SMARCA2: variants seen among roughly 807,000 people sequenced by gnomAD.
SMARCA2 encodes SWI/SNF-related matrix-associated actin-dependent regulator of chromatin subfamily A member 2.
SMARCA2 carries 61 observed loss-of-function variants against 199.8 expected under a neutral mutation model. The ratio of observed to expected loss-of-function variants is 0.31; its 90% confidence interval spans 0.25 to 0.38. The LOEUF (loss-of-function observed/expected upper bound fraction) is 0.38. Among genes scored for constraint, SMARCA2 ranks in the 10% least tolerant of loss-of-function variants. The pLI is 1.00. For missense variants in SMARCA2, 1,344 were observed against 2,012.2 expected (o/e 0.67, Z 6.35); for synonymous variants, 935 against 732.0 (o/e 1.28, Z -4.48).
In SMARCA2 at chr9:2,152,356, C is replaced by A. The variant is rs549676672; in HGVS notation, c.3982-9330C>A. On this transcript the variant is annotated intron_variant, in intron 27 of 33. Transcript: ENST00000349721. The stretch of plus-strand genomic sequence containing the variant: ...CACCTGAGGTCAAGAGAGTTTGAGA[C>A]CAGTCTGGCCAACACGATGAAAGCC... Among the ~76,000 whole-genome samples the A allele has an allele frequency of 2.9e-4, 44 of 151,260 alleles. 1 individual carries two copies. In the South Asian group the frequency reaches 8.8e-3, roughly 30 times the overall value.
intron 29 of SMARCA2, among the ~76,000 whole-genome samples, chr9:2,171,403 G>A (rs1563824146): frequency 6.6e-6 from 1 of 152,206 alleles, no homozygotes; most frequent in Non-Finnish European, 1.5e-5. Flanking sequence ...AATGAACACA[G>A]ATCACTGGTT....
intron 27 of SMARCA2, among the ~76,000 whole-genome samples, chr9:2,143,652 G>A (rs1013036127): frequency 1.4e-4 from 21 of 152,132 alleles, no homozygotes; most frequent in African/African-American, 5.1e-4. Flanking sequence ...ATGTGATAAG[G>A]GAAACTGATC....
intron 9 of SMARCA2, among the ~76,000 whole-genome samples, chr9:2,064,409 A>G (rs2130379570): frequency 6.6e-6 from 1 of 152,362 alleles, no homozygotes; most frequent in East Asian, 1.9e-4. Flanking sequence ...AAGTTTATCT[A>G]AAGCATGTAG....
rs769611551 is a variant in SMARCA2 at position 2,083,343 on chromosome 9, A to G, written c.2349-4A>G. 3 of 1,539,510 alleles carry G rather than the reference A, an allele frequency of 1.9e-6. No individual in the cohort carries two copies. Among genetic ancestry groups the G allele is most frequent in the South Asian group, 1.2e-5 (1 of 83,486 alleles). On this transcript the variant is annotated splice_polypyrimidine_tract_variant and splice_region_variant and intron_variant, in intron 15 of 33. Coordinates refer to ENST00000349721, the MANE Select transcript of SMARCA2 (RefSeq NM_003070.5). ...TTCTGTTGTTTTTTTTTTTTGTTCCATAGGACTCTATCTAACTGGACATAT... is the reference window on the plus strand; with the variant it reads ...TTCTGTTGTTTTTTTTTTTTGTTCCGTAGGACTCTATCTAACTGGACATAT...
At chr9:2,147,546 GGAT>G (rs755301945) in intron 27 of SMARCA2, among the ~76,000 whole-genome samples, 4 of 152,152 alleles carry the variant, frequency 2.6e-5, no homozygotes, top group Non-Finnish European at 5.9e-5. Flanking sequence ...GTTTCACTTA[GGAT>G]TTCCAGTTTT....
intron 27 of SMARCA2, among the ~76,000 whole-genome samples, chr9:2,141,127 A>C (rs1379639036): frequency 6.6e-6 from 1 of 151,112 alleles, no homozygotes; most frequent in Non-Finnish European, 1.5e-5. Context: ...AGAATTCTTA[A>C]TCCAAATTTA....
intron 30 of SMARCA2, 125 bp from the exon 31 acceptor site, chr9:2,182,016 C>T: frequency 1.3e-6 from 1 of 758,318 alleles, no homozygotes. Context: ...TTATGCAGTC[C>T]CAGATCCCTG....
chr9:2,187,668 C>CTCTA (rs1420716638), intron 32 of SMARCA2, among the ~76,000 whole-genome samples: 6 of 151,988 alleles, frequency 3.9e-5, no homozygotes, highest in African/African-American at 9.7e-5. Context: ...CAGAACAAAA[C>CTCTA]TCTATCTAAA....
Position 2,039,826 on chromosome 9 carries a change from C to T in SMARCA2, c.716C>T (p.Pro239Leu), listed in dbSNP as rs752254994. The change falls in exon 4 of 34, where the codon CCG becomes CTG. Residue 239 changes from proline to leucine, a missense_variant. Physicochemically the swap from Pro to Leu is moderately conservative, Grantham distance 98 (BLOSUM62 -3). Around this residue, in one of 18 missense-constraint regions of SMARCA2, gnomAD observed 117 missense variants for 99.1 expected, o/e 1.18. Coordinates refer to ENST00000349721, the MANE Select transcript of SMARCA2 (RefSeq NM_003070.5). This position sits in a 1 kb window ranked among gnomAD's most constrained non-coding sequence, Gnocchi z 4.8. ...CAGCAGCAGCAGCAGCAACAGCAGC[C>T]GCAGCAGCAGCCGCCGCAACCACAG... ...QQQQQQQQQQ[P>L]QQQPPQPQTQ... 8.5e-5 allele frequency: 137 copies of T among 1,604,166 alleles called. 3 individuals carry two copies. The South Asian group carries it at 1.2e-3, about 14-fold the overall frequency.
chr9:2,151,436 A>G (rs1825070757), intron 27 of SMARCA2, among the ~76,000 whole-genome samples: 1 of 151,510 alleles, frequency 6.6e-6, no homozygotes, highest in African/African-American at 2.4e-5. Context: ...AAGCTACAGT[A>G]CGAACCAGAT....
chr9:2,159,668 A>G (rs1825563221), intron 27 of SMARCA2: 2 of 945,854 alleles, frequency 2.1e-6, no homozygotes, highest in Admixed American at 5.6e-5. Context: ...AGGCTGAAGG[A>G]GGAAGCCTTC....
chr9:2,161,263 T>G lies in SMARCA2; in HGVS notation c.3982-423T>G, dbSNP rs149096382. 6.0e-3 allele frequency among the ~76,000 whole-genome samples: 909 copies of G among 152,310 alleles called. 17 individuals carry two copies. Among genetic ancestry groups the G allele is most frequent in the African/African-American group, 0.021 (876 of 41,570 alleles). ...AGCTTATATGATCGTGTGGATGTATTCTTAGGGATTGTTTTTTCATAACCC... is the reference window on the plus strand; with the variant it reads ...AGCTTATATGATCGTGTGGATGTATGCTTAGGGATTGTTTTTTCATAACCC... On this transcript the variant is annotated intron_variant, in intron 27 of 33. Coordinates refer to ENST00000349721, the MANE Select transcript of SMARCA2 (RefSeq NM_003070.5). This position sits in a 1 kb window ranked among gnomAD's most constrained non-coding sequence, Gnocchi z 4.7.
rs531052738 is a variant in SMARCA2 at position 2,074,387 on chromosome 9, T to C, written c.1935+764T>C. 2.0e-5 allele frequency among the ~76,000 whole-genome samples: 3 copies of C among 152,270 alleles called. No individual in the cohort carries two copies. In the South Asian group the frequency reaches 6.2e-4, roughly 32 times the overall value. ...AGATCTGATATTTTTGAGAGTGCCGTAGTATAGGTGCCGAGGACAAGGTAA... is the reference window on the plus strand; with the variant it reads ...AGATCTGATATTTTTGAGAGTGCCGCAGTATAGGTGCCGAGGACAAGGTAA... On this transcript the variant is annotated intron_variant, in intron 12 of 33. Coordinates refer to ENST00000349721, the MANE Select transcript of SMARCA2 (RefSeq NM_003070.5).
chr9:2,045,677 A>G (rs1819805718), intron 4 of SMARCA2: 1 of 152,162 alleles, frequency 6.6e-6, no homozygotes, highest in East Asian at 1.9e-4. Flanking sequence ...TAAAAATAAA[A>G]TGAAGTGCAT....
At chr9:2,164,114 T>C (rs1825823710) in intron 28 of SMARCA2, among the ~76,000 whole-genome samples, 1 of 152,162 alleles carries the variant, frequency 6.6e-6, no homozygotes, top group African/African-American at 2.4e-5. Flanking sequence ...GTATCATCTC[T>C]TCAGTATGGA....
chr9:2,190,106 T>C (rs1827775880), intron 32 of SMARCA2, among the ~76,000 whole-genome samples: 1 of 152,186 alleles, frequency 6.6e-6, no homozygotes, highest in Non-Finnish European at 1.5e-5. Context: ...GAGCAGATTG[T>C]CTTTGTTCTT....
chr9:2,165,318 G>A (rs1825882174), intron 28 of SMARCA2, among the ~76,000 whole-genome samples: 1 of 152,104 alleles, frequency 6.6e-6, no homozygotes, highest in Non-Finnish European at 1.5e-5. Flanking sequence ...ATGATTCTGG[G>A]GCAGATGTAT....
intron 5 of SMARCA2, among the ~76,000 whole-genome samples, chr9:2,049,775 C>G (rs1391566475): frequency 6.6e-6 from 1 of 152,182 alleles, no homozygotes; most frequent in East Asian, 1.9e-4. Context: ...AATGAAGTCC[C>G]TTAGGCACTT....
intron 27 of SMARCA2, among the ~76,000 whole-genome samples, chr9:2,131,273 G>A (rs1321864850): frequency 6.6e-6 from 1 of 152,098 alleles, no homozygotes; most frequent in Non-Finnish European, 1.5e-5. Context: ...GTTGTCTCTT[G>A]TTACCTTTCT....
Sources: allele counts gnomAD v4.1 joint callset (sites outside exome capture counted in the v4.1 genomes callset), GRCh38; gene constraint gnomAD v4.1.1; regional missense constraint gnomAD v4.1.1; non-coding constraint Gnocchi (gnomAD v3.1); transcripts MANE v1.5; gene names NCBI Gene and HGNC (gene_info 2026-07-23, HGNC 2026-07-21).